GNAI1: variants seen among roughly 807,000 people sequenced by gnomAD.
GNAI1 encodes the protein guanine nucleotide-binding protein G(i) subunit alpha-1.
Under a neutral mutation model 38.9 loss-of-function variants are expected in GNAI1, and 11 were observed. That is an observed-to-expected ratio of 0.28 (90% CI 0.18 to 0.47). The LOEUF is 0.47. Among genes scored for constraint, GNAI1 ranks in the 20% least tolerant of loss-of-function variants. The pLI, the probability that GNAI1 is intolerant of heterozygous loss-of-function variation, is 0.99. For synonymous variants in GNAI1, 166 were observed against 145.1 expected (o/e 1.14, Z -1.04); for missense variants, 317 against 436.9 (o/e 0.73, Z 2.45).
At chr7:80,207,466 T>C (rs1788795849) in intron 5 of GNAI1, among the ~76,000 whole-genome samples, 3 of 152,060 alleles carry the variant, frequency 2.0e-5, no homozygotes, top group Admixed American at 2.0e-4. Flanking sequence ...TTGGTTGAGG[T>C]TGATGTATTT....
At chr7:80,198,349 G>T (rs544797535) in intron 3 of GNAI1, among the ~76,000 whole-genome samples, 11 of 152,042 alleles carry the variant, frequency 7.2e-5, no homozygotes, top group Non-Finnish European at 1.2e-4. Flanking sequence ...TTTAAAAAAA[G>T]CTTTTAAAAA....
chr7:80,154,259 A>G (rs1787778638), intron 1 of GNAI1, among the ~76,000 whole-genome samples: 1 of 152,162 alleles, frequency 6.6e-6, no homozygotes, highest in Non-Finnish European at 1.5e-5. Context: ...TAAAAGGTGC[A>G]CTTTTAAATT....
chr7:80,209,484 C>T (rs771236509), intron 5 of GNAI1, among the ~76,000 whole-genome samples: 12 of 152,146 alleles, frequency 7.9e-5, no homozygotes, highest in Non-Finnish European at 1.3e-4. Flanking sequence ...TTAAAGTTAA[C>T]TGATTACAGA....
At chr7:80,211,188 A>G (rs1213472232) in intron 6 of GNAI1, 90 bp downstream of exon 6, 11 of 1,114,626 alleles carry the variant, frequency 9.9e-6, no homozygotes, top group African/African-American at 1.6e-5. Flanking sequence ...TAACAATTTG[A>G]AAGTACAGGG....
intron 5 of GNAI1, 96 bp from the exon 6 acceptor site, chr7:80,210,873 C>A: frequency 1.0e-6 from 1 of 1,002,696 alleles, no homozygotes. Context: ...TCAGACATTT[C>A]CACAACTATT....
rs200439557 is a variant in GNAI1, at chr7:80,193,011, T to G, written c.303+3780T>G. 4.9e-3 allele frequency among the ~76,000 whole-genome samples: 85 copies of G among 17,416 alleles called. No homozygotes were observed. In the East Asian group the frequency reaches 0.27, roughly 56 times the overall value. 11.4% of individuals were successfully genotyped at this position (17,416 alleles called of 152,430 possible). ...ACCGCACCCGGCCTTGTTTTATTGT[T>G]TTTTTTTTTGTTTTTAATAATTATT... On this transcript the variant is annotated intron_variant, in intron 3 of 7. Coordinates refer to ENST00000649796, the MANE Select transcript of GNAI1 (RefSeq NM_002069.6).
At chr7:80,145,396 CT>C (rs906266858) in intron 1 of GNAI1, among the ~76,000 whole-genome samples, 1 of 152,080 alleles carries the variant, frequency 6.6e-6, no homozygotes, top group Non-Finnish European at 1.5e-5. Context: ...TACTCTTCTC[CT>C]TCTGGAGTTC....
chr7:80,200,239 T>C lies in GNAI1; in HGVS notation c.461+857T>C, dbSNP rs1788655943. Reference sequence around the variant, plus strand: ...CTCAGCGGGGGCTGAGAGAGGATGATTGCTTGAACCCAGGACTTTGAGTTT... The same window carrying C: ...CTCAGCGGGGGCTGAGAGAGGATGACTGCTTGAACCCAGGACTTTGAGTTT... On this transcript the variant is annotated intron_variant, in intron 4 of 7. Coordinates refer to ENST00000649796, the MANE Select transcript of GNAI1 (RefSeq NM_002069.6). Among the ~76,000 whole-genome samples, 6 of 147,454 alleles carry C rather than the reference T, an allele frequency of 4.1e-5. No individual in the cohort carries two copies. In the Admixed American group the frequency reaches 4.1e-4, roughly 10 times the overall value.
chr7:80,172,842 C>T (rs567102299), intron 1 of GNAI1, among the ~76,000 whole-genome samples: 4 of 152,290 alleles, frequency 2.6e-5, no homozygotes, highest in Non-Finnish European at 5.9e-5. Flanking sequence ...TTTCATCTTG[C>T]ATGTTTATTT....
At chr7:80,137,673 G>T (rs1023544475) in intron 1 of GNAI1, among the ~76,000 whole-genome samples, 71 of 152,236 alleles carry the variant, frequency 4.7e-4, no homozygotes, top group African/African-American at 1.4e-3. Context: ...ATTTCAGAAT[G>T]ATTTTTAGAA....
At chr7:80,136,791 C>G (rs1787423953) in intron 1 of GNAI1, among the ~76,000 whole-genome samples, 1 of 152,094 alleles carries the variant, frequency 6.6e-6, no homozygotes, top group Non-Finnish European at 1.5e-5. Context: ...TTAGTTTGAG[C>G]CAGCCATCCA....
At chr7:80,166,967 G>A (rs1211630353) in intron 1 of GNAI1, among the ~76,000 whole-genome samples, 2 of 152,142 alleles carry the variant, frequency 1.3e-5, no homozygotes, top group Non-Finnish European at 2.9e-5. Context: ...TACCTGAGAT[G>A]TCAAACAGCC....
chr7:80,169,835 C>T (rs1788071785), intron 1 of GNAI1, among the ~76,000 whole-genome samples: 1 of 152,132 alleles, frequency 6.6e-6, no homozygotes, highest in African/African-American at 2.4e-5. Context: ...TTCTCATTTC[C>T]CACAAAACCC....
chr7:80,211,281 A>G (rs1788868551), intron 6 of GNAI1, among the ~76,000 whole-genome samples, 183 bp downstream of exon 6: 1 of 152,230 alleles, frequency 6.6e-6, no homozygotes, highest in African/African-American at 2.4e-5. Flanking sequence ...GAAAACATGG[A>G]GAGTCAATCT....
chr7:80,168,106 C>T (rs975350025), intron 1 of GNAI1, among the ~76,000 whole-genome samples: 1 of 152,126 alleles, frequency 6.6e-6, no homozygotes, highest in African/African-American at 2.4e-5. Context: ...AGAATCATTG[C>T]CCTTAGCTGA....
intron 1 of GNAI1, among the ~76,000 whole-genome samples, chr7:80,175,366 G>GTA (rs951920435): frequency 6.8e-6 from 1 of 148,058 alleles, no homozygotes; most frequent in Non-Finnish European, 1.5e-5. Flanking sequence ...GTATATTTAT[G>GTA]TGTGTGTGTG....
rs555950469 is a variant in GNAI1, at chr7:80,198,326, C to A, written c.304-899C>A. Among the ~76,000 whole-genome samples the A allele has an allele frequency of 3.3e-5, 5 of 151,872 alleles. No homozygotes were observed. In the East Asian group the frequency reaches 9.7e-4, roughly 29 times the overall value. ...ATAGGTTAAGTATACTGTTAAAAAT[C>A]ATTTCACCTAGCTTTAAAAAAAGCT... On this transcript the variant is annotated intron_variant, in intron 3 of 7. Transcript: ENST00000649796.
intron 4 of GNAI1, among the ~76,000 whole-genome samples, chr7:80,200,043 G>C (rs559816872): frequency 1.3e-5 from 2 of 151,548 alleles, no homozygotes; most frequent in African/African-American, 4.9e-5. Context: ...GGCTGGGTGA[G>C]GTGGCTCATT....
At position 80,220,746 on chromosome 7, in the gene GNAI1, GTTAA is replaced by G. The variant is rs1227036463; in HGVS notation, c.*3258_*3261del. 2.6e-5 allele frequency among the ~76,000 whole-genome samples: 4 copies of G among 152,142 alleles called. No homozygotes were observed. Among genetic ancestry groups the G allele is most frequent in the African/African-American group, 4.8e-5 (2 of 41,434 alleles). On this transcript the variant is annotated 3_prime_UTR_variant, in exon 8 of 8. Coordinates refer to ENST00000649796, the MANE Select transcript of GNAI1 (RefSeq NM_002069.6). Reference sequence around the variant, plus strand: ...TAGAGATCAAAAAAGGCTTAAAGAGGTTAATTAACTTGAGCAAGACCAGATGAAG... The same window carrying G: ...TAGAGATCAAAAAAGGCTTAAAGAGGTTAACTTGAGCAAGACCAGATGAAG...
Sources: allele counts gnomAD v4.1 joint callset (sites outside exome capture counted in the v4.1 genomes callset), GRCh38; gene constraint gnomAD v4.1.1; transcripts MANE v1.5; gene names NCBI Gene and HGNC (gene_info 2026-07-23, HGNC 2026-07-21).